PLPP3: variants seen among roughly 807,000 people sequenced by gnomAD.
The protein encoded by PLPP3 is phospholipid phosphatase 3.
In PLPP3, 6 loss-of-function variants were observed where a neutral mutation model predicts 29.6. The ratio of observed to expected loss-of-function variants is 0.20; its 90% CI spans 0.11 to 0.40. The LOEUF (loss-of-function observed/expected upper bound fraction) is 0.40, where lower values mean the gene tolerates loss of function less well. Ranked by LOEUF, PLPP3 falls within the 10% of genes least tolerant of loss-of-function variation. The probability of loss-of-function intolerance (pLI) is 1.00; values close to 1 mark genes in which losing one functional copy is unlikely to be tolerated. For synonymous variants in PLPP3, 152 were observed against 159.7 expected, an observed-to-expected ratio of 0.95 and a Z score of 0.36; for missense variants, 308 against 407.7, an observed-to-expected ratio of 0.76 and a Z score of 2.11.
intron 2 of PLPP3, among the ~76,000 whole-genome samples, chr1:56,532,938 G>A (rs568634419): frequency 6.6e-6 from 1 of 152,150 alleles, no homozygotes; most frequent in Non-Finnish European, 1.5e-5. Context: ...TTGGAAGGTG[G>A]GGGAGGAGAC....
At chr1:56,511,715 C>T (rs946315814) in intron 5 of PLPP3, among the ~76,000 whole-genome samples, 1 of 151,950 alleles carries the variant, frequency 6.6e-6, no homozygotes, top group African/African-American at 2.4e-5. Context: ...CCAATTGCAA[C>T]ATTCTACGAG....
chr1:56,509,661 G>T (rs564854847), intron 5 of PLPP3, among the ~76,000 whole-genome samples: 3 of 152,034 alleles, frequency 2.0e-5, no homozygotes, highest in Non-Finnish European at 4.4e-5. Context: ...CCAACACAGT[G>T]AAACCCCATC....
At chr1:56,498,638 CT>C (rs559651197) in intron 5 of PLPP3, among the ~76,000 whole-genome samples, 212 of 144,420 alleles carry the variant, frequency 1.5e-3, no homozygotes, top group South Asian at 2.2e-3. Flanking sequence ...TCACTACTTT[CT>C]TTTTTTTTTT....
chr1:56,569,505 A>G (rs1162612450), intron 1 of PLPP3, among the ~76,000 whole-genome samples: 1 of 152,150 alleles, frequency 6.6e-6, no homozygotes, highest in Non-Finnish European at 1.5e-5. Context: ...TGCAGCCACT[A>G]TGAAAAACAG....
At chr1:56,529,152 T>C (rs1047256794) in intron 2 of PLPP3, among the ~76,000 whole-genome samples, 7 of 152,048 alleles carry the variant, frequency 4.6e-5, no homozygotes, top group Non-Finnish European at 8.8e-5. Flanking sequence ...TATGAATTAC[T>C]AAATTATTAC....
At chr1:56,507,735 T>C (rs558006455) in intron 5 of PLPP3, among the ~76,000 whole-genome samples, 1 of 152,234 alleles carries the variant, frequency 6.6e-6, no homozygotes, top group Non-Finnish European at 1.5e-5. Context: ...GATCTTGAGA[T>C]GGAGAGATCA....
intron 1 of PLPP3, among the ~76,000 whole-genome samples, chr1:56,556,286 G>T (rs1454214420): frequency 1.3e-5 from 2 of 152,116 alleles, no homozygotes; most frequent in Admixed American, 6.5e-5. Flanking sequence ...TAAAATGGGG[G>T]AATTTGGTCA....
chr1:56,501,871 G>A (rs1645670532), intron 5 of PLPP3, among the ~76,000 whole-genome samples: 3 of 152,242 alleles, frequency 2.0e-5, no homozygotes, highest in Admixed American at 2.0e-4. Context: ...GAGGCAATAT[G>A]CTGATGGGAG....
intron 4 of PLPP3, among the ~76,000 whole-genome samples, chr1:56,516,361 C>T (rs1645780522): frequency 6.6e-6 from 1 of 152,150 alleles, no homozygotes; most frequent in African/African-American, 2.4e-5. Flanking sequence ...TCCCACTCCA[C>T]AGAAGACAGG....
chr1:56,523,783 T>C (rs768040661), intron 4 of PLPP3, 40 bp downstream of exon 4: 28 of 1,583,664 alleles, frequency 1.8e-5, no homozygotes, highest in Non-Finnish European at 2.1e-5. Context: ...GGATCGAAGC[T>C]GGAACTGAGC....
At chr1:56,562,164 G>T (rs1011259672) in intron 1 of PLPP3, among the ~76,000 whole-genome samples, 2 of 151,940 alleles carry the variant, frequency 1.3e-5, no homozygotes, top group Non-Finnish European at 2.9e-5. Flanking sequence ...AGAAGGGTGT[G>T]AAGGGGTTGG....
intron 4 of PLPP3, among the ~76,000 whole-genome samples, chr1:56,517,633 T>A (rs1569872777): frequency 6.6e-6 from 1 of 152,222 alleles, no homozygotes; most frequent in Admixed American, 6.5e-5. Context: ...TATATTTGCC[T>A]CTTTCTGAGT....
intron 4 of PLPP3, among the ~76,000 whole-genome samples, chr1:56,516,698 T>C (rs1287950136): frequency 6.6e-6 from 1 of 151,782 alleles, no homozygotes; most frequent in African/African-American, 2.4e-5. Context: ...AGCAACTAGA[T>C]TGGAACCTTT....
chr1:56,521,732 T>C (rs1024533604), intron 4 of PLPP3, among the ~76,000 whole-genome samples: 2 of 152,126 alleles, frequency 1.3e-5, no homozygotes, highest in African/African-American at 4.8e-5. Context: ...TCTCTCTTCC[T>C]TTCCTCTCTC....
chr1:56,496,746 G>A lies in PLPP3; in HGVS notation c.811-70C>T, dbSNP rs1464429637. On this transcript the variant is annotated intron_variant, in intron 5 of 5. Coordinates refer to ENST00000371250, the MANE Select transcript of PLPP3 (RefSeq NM_003713.5). ...GGTCTGGGTACAGAGGGAAAAGGAA[G>A]GTCAGAGGAGCGCAGACTTCAGGAA... 2.6e-6 allele frequency: 4 copies of A among 1,562,894 alleles called. No homozygotes were observed. In the East Asian group the frequency reaches 6.8e-5, roughly 27 times the overall value.
chr1:56,536,645 C>A (rs3927761), intron 2 of PLPP3, among the ~76,000 whole-genome samples: 14,091 of 152,134 alleles, frequency 0.093, 859 homozygotes, highest in Middle Eastern at 0.13. Context: ...GACAGGTTAG[C>A]CTTCCTGAAC....
At chr1:56,514,757 T>G (rs1363102034) in intron 4 of PLPP3, among the ~76,000 whole-genome samples, 1 of 152,142 alleles carries the variant, frequency 6.6e-6, no homozygotes, top group East Asian at 1.9e-4. Flanking sequence ...GGTGAAAAAT[T>G]AAATGATTTC....
chr1:56,527,745 G>A (rs540331282), intron 2 of PLPP3, among the ~76,000 whole-genome samples: 9 of 152,138 alleles, frequency 5.9e-5, no homozygotes, highest in South Asian at 4.1e-4. Flanking sequence ...TGAACCAGGC[G>A]GACTTGGCTT....
chr1:56,574,943 C>CT (rs1365692738), intron 1 of PLPP3, among the ~76,000 whole-genome samples: 1 of 152,142 alleles, frequency 6.6e-6, no homozygotes, highest in Non-Finnish European at 1.5e-5. Flanking sequence ...GGTAAAGAAA[C>CT]TGAGACTCAG....
Sources: allele counts gnomAD v4.1 joint callset (sites outside exome capture counted in the v4.1 genomes callset), GRCh38; gene constraint gnomAD v4.1.1; transcripts MANE v1.5; gene names NCBI Gene and HGNC (gene_info 2026-07-23, HGNC 2026-07-21).